CCDC39: variants seen among roughly 807,000 people sequenced by gnomAD.
CCDC39 encodes coiled-coil domain 39 molecular ruler complex subunit.
A neutral mutation model predicts 121.0 loss-of-function variants in CCDC39; 113 were observed. That is an observed-to-expected ratio of 0.93 (90% CI 0.80 to 1.09). The LOEUF (loss-of-function observed/expected upper bound fraction) is 1.09. Among genes scored for constraint, CCDC39 ranks in the 50% least tolerant of loss-of-function variants. The probability of loss-of-function intolerance (pLI) is 0.00; values close to 1 mark genes in which losing one functional copy is unlikely to be tolerated. For missense variants in CCDC39, 1,063 were observed against 1,074.7 expected, an observed-to-expected ratio of 0.99 and a Z score of 0.15; for synonymous variants, 349 against 352.2, an observed-to-expected ratio of 0.99 and a Z score of 0.10.
intron 14 of CCDC39, among the ~76,000 whole-genome samples, chr3:180,621,621 G>A (rs1298285098): frequency 6.6e-6 from 1 of 151,918 alleles, no homozygotes; most frequent in Non-Finnish European, 1.5e-5. Context: ...GTGCAGGATT[G>A]TTACATGGGT....
intron 13 of CCDC39, among the ~76,000 whole-genome samples, chr3:180,641,657 C>T (rs982291961): frequency 6.6e-6 from 1 of 152,048 alleles, no homozygotes; most frequent in Non-Finnish European, 1.5e-5. Context: ...CAGAAATAAT[C>T]TTATAAAAGA....
Position 180,644,133 on chromosome 3 carries a change from T to C in CCDC39, c.1652A>G (p.Lys551Arg). Residue 551 changes from lysine to arginine, a missense_variant, in exon 12 of 20, where the codon AAA (lysine) becomes AGA (arginine). Coordinates refer to ENST00000476379, the MANE Select transcript of CCDC39 (RefSeq NM_181426.2). Reference sequence around the variant, plus strand: ...ATTTTACTGCACCTGCTTAAAACCTTTGGCTTTATCAAGTTCTTTCTCTGA... The same window carrying C: ...ATTTTACTGCACCTGCTTAAAACCTCTGGCTTTATCAAGTTCTTTCTCTGA... ...DRSEKELDKA[K>R]GFKQDLMIED... 4.5e-6 allele frequency: 7 copies of C among 1,544,976 alleles called. No individual in the cohort carries two copies. The highest frequency in any genetic ancestry group is 4.4e-6 in the Non-Finnish European group (5 of 1,144,520).
At chr3:180,616,770 A>G (rs941646257) in intron 17 of CCDC39, 56 bp downstream of exon 17, 43 of 1,585,284 alleles carry the variant, frequency 2.7e-5, no homozygotes, top group Non-Finnish European at 3.5e-5. Flanking sequence ...ATGAAGGAGG[A>G]TTTGGGACTT....
At chr3:180,622,252 T>A (rs1208836570) in intron 14 of CCDC39, among the ~76,000 whole-genome samples, 1 of 152,172 alleles carries the variant, frequency 6.6e-6, no homozygotes, top group Non-Finnish European at 1.5e-5. Flanking sequence ...TGGATTTTTG[T>A]ACCTTGATTT....
intron 13 of CCDC39, among the ~76,000 whole-genome samples, chr3:180,637,755 A>T (rs1373268222): frequency 6.6e-6 from 1 of 152,282 alleles, no homozygotes; most frequent in East Asian, 1.9e-4. Context: ...GCCATAAAAA[A>T]GAATAAGATC....
At chr3:180,651,768 T>C (rs1262802830) in intron 8 of CCDC39, among the ~76,000 whole-genome samples, 2 of 152,190 alleles carry the variant, frequency 1.3e-5, no homozygotes, top group African/African-American at 4.8e-5. Context: ...CCAGGCGCGG[T>C]GGCTCACGCC....
intron 14 of CCDC39, among the ~76,000 whole-genome samples, chr3:180,627,092 G>C (rs1454660968): frequency 1.3e-5 from 2 of 152,198 alleles, no homozygotes; most frequent in African/African-American, 2.4e-5. Flanking sequence ...GAAGCTGTGG[G>C]GAGTACAGTC....
chr3:180,660,815 T>C, intron 3 of CCDC39, 87 bp from the exon 4 acceptor site: 10 of 1,171,994 alleles, frequency 8.5e-6, no homozygotes, highest in South Asian at 1.8e-5. Context: ...TTATATACTA[T>C]GGAGCAAAAT....
At chr3:180,664,121 G>A (rs772621486) in intron 1 of CCDC39, 135 bp from the exon 2 acceptor site, 11 of 731,404 alleles carry the variant, frequency 1.5e-5, no homozygotes, top group Non-Finnish European at 2.2e-5. Flanking sequence ...AAATATCATA[G>A]ACTAGGTAGC....
At chr3:180,633,562 G>C (rs1286207241) in intron 13 of CCDC39, among the ~76,000 whole-genome samples, 1 of 152,050 alleles carries the variant, frequency 6.6e-6, no homozygotes, top group Non-Finnish European at 1.5e-5. Context: ...GGGGAGATTA[G>C]GCAGAGGAGA....
At chr3:180,662,414 T>G (rs1293706805) in intron 2 of CCDC39, among the ~76,000 whole-genome samples, 1 of 152,156 alleles carries the variant, frequency 6.6e-6, no homozygotes, top group East Asian at 1.9e-4. Flanking sequence ...TTTTAAATAA[T>G]TATTTAAACA....
intron 13 of CCDC39, among the ~76,000 whole-genome samples, chr3:180,638,994 A>G (rs1717894822): frequency 6.6e-6 from 1 of 152,152 alleles, no homozygotes; most frequent in South Asian, 2.1e-4. Context: ...CATACCAAGA[A>G]CACATATGTT....
chr3:180,648,747 C>T (rs1718132415), intron 9 of CCDC39, among the ~76,000 whole-genome samples: 1 of 152,168 alleles, frequency 6.6e-6, no homozygotes, highest in South Asian at 2.1e-4. Context: ...ACCCAATCTC[C>T]CACCTTTCAA....
chr3:180,658,219 A>G (rs1469559034), intron 6 of CCDC39, among the ~76,000 whole-genome samples: 7 of 149,760 alleles, frequency 4.7e-5, no homozygotes, highest in African/African-American at 1.7e-4. Flanking sequence ...AGCCTGGGCG[A>G]TAAGAGTGAA....
At chr3:180,651,879 T>C (rs1288873284) in intron 8 of CCDC39, among the ~76,000 whole-genome samples, 7 of 151,934 alleles carry the variant, frequency 4.6e-5, no homozygotes, top group South Asian at 2.1e-4. Flanking sequence ...CTAATAAAAA[T>C]ACAAAAAATT....
At chr3:180,626,291 C>G (rs1717558976) in intron 14 of CCDC39, among the ~76,000 whole-genome samples, 2 of 152,098 alleles carry the variant, frequency 1.3e-5, no homozygotes, top group South Asian at 4.1e-4. Flanking sequence ...GGATGGCATA[C>G]TTGAGTACTT....
chr3:180,627,213 C>T (rs1576935297), intron 14 of CCDC39, among the ~76,000 whole-genome samples: 1 of 152,112 alleles, frequency 6.6e-6, no homozygotes, highest in African/African-American at 2.4e-5. Flanking sequence ...TTTATTTTAT[C>T]GTGCTTCAGA....
intron 16 of CCDC39, among the ~76,000 whole-genome samples, chr3:180,618,193 T>C (rs1316824784): frequency 6.6e-6 from 1 of 152,170 alleles, no homozygotes; most frequent in Non-Finnish European, 1.5e-5. Context: ...CGCCCAAGGA[T>C]GCATTCATCA....
rs73051767 is a variant in CCDC39 at position 180,644,300 on chromosome 3, T to C, written c.1528-43A>G. On this transcript the variant is annotated intron_variant, in intron 11 of 19. Transcript: ENST00000476379. Reference sequence around the variant, plus strand: ...GGTATATAAATGTATGTTTTAAATATTGACAAAAATATTAAATACATGCTG... The same window carrying C: ...GGTATATAAATGTATGTTTTAAATACTGACAAAAATATTAAATACATGCTG... 73,920 of 1,227,150 alleles carry C rather than the reference T, an allele frequency of 0.06. 5,817 individuals are homozygous for C. The highest frequency in any genetic ancestry group is 0.37 in the African/African-American group (23,902 of 64,702). 76.0% of individuals were successfully genotyped at this position (1,227,150 alleles called of 1,614,324 possible). A position where few individuals can be genotyped will look rare whatever the true frequency, so the allele number is the denominator to read the frequency against.
Sources: gnomAD v4.1 joint callset for allele counts (sites outside exome capture counted in the v4.1 genomes callset) on GRCh38, gnomAD v4.1.1 for gene constraint, MANE v1.5 for transcripts, NCBI Gene and HGNC (gene_info 2026-07-23, HGNC 2026-07-21) for gene names.